Variants in GPR161 observed in about 807,000 individuals in gnomAD.
GPR161 encodes G-protein coupled receptor RE2.
In GPR161, 25 loss-of-function variants were observed where a neutral mutation model predicts 39.2. That is an observed-to-expected ratio of 0.64 (90% confidence interval 0.47 to 0.89). The LOEUF (loss-of-function observed/expected upper bound fraction) is 0.89, where lower values mean the gene tolerates loss of function less well. GPR161 is among the 40% of genes least tolerant of loss of function. The pLI is 0.00. For synonymous variants in GPR161, 286 were observed against 276.6 expected, an observed-to-expected ratio of 1.03 and a Z score of -0.34; for missense variants, 547 against 677.8, an observed-to-expected ratio of 0.81 and a Z score of 2.14.
At chr1:168,120,058 C>T (rs1283158058) in intron 1 of GPR161, among the ~76,000 whole-genome samples, 4 of 152,188 alleles carry the variant, frequency 2.6e-5, no homozygotes, top group Non-Finnish European at 5.9e-5. Flanking sequence ...TGAAGAGGAC[C>T]ACCATCCTCC....
intron 2 of GPR161, among the ~76,000 whole-genome samples, chr1:168,102,767 T>A (rs1357412889): frequency 6.6e-6 from 1 of 150,866 alleles, no homozygotes; most frequent in Non-Finnish European, 1.5e-5. Context: ...TCTCTGCAAC[T>A]AAGCTGTTTA....
At chr1:168,101,815 CTTT>C (rs927230292) in intron 2 of GPR161, among the ~76,000 whole-genome samples, 1 of 151,876 alleles carries the variant, frequency 6.6e-6, no homozygotes, top group Admixed American at 6.6e-5. Flanking sequence ...CTTTTCTTTT[CTTT>C]TTTTTCAGAT....
At chr1:168,111,888 C>T (rs1022884510) in intron 1 of GPR161, among the ~76,000 whole-genome samples, 1 of 149,788 alleles carries the variant, frequency 6.7e-6, no homozygotes, top group African/African-American at 2.5e-5. Flanking sequence ...AAAATGAAAA[C>T]ACCAACATAC....
intron 1 of GPR161, among the ~76,000 whole-genome samples, chr1:168,117,126 C>T (rs1440223259): frequency 6.6e-6 from 1 of 152,152 alleles, no homozygotes; most frequent in Non-Finnish European, 1.5e-5. Flanking sequence ...AGGGCATCAG[C>T]AGCAAGTCTA....
intron 1 of GPR161, among the ~76,000 whole-genome samples, chr1:168,110,470 G>C (rs910463631): frequency 6.5e-5 from 9 of 137,956 alleles, no homozygotes; most frequent in African/African-American, 2.5e-4. Flanking sequence ...CTGCACTCCA[G>C]CCTAGACGAC....
At chr1:168,095,548 G>A (rs138778363) in intron 3 of GPR161, among the ~76,000 whole-genome samples, 66 of 152,298 alleles carry the variant, frequency 4.3e-4, no homozygotes, top group East Asian at 9.6e-4. Flanking sequence ...GATTGTGTCC[G>A]GAAACCTGTG....
At chr1:168,093,911 T>A (rs1695289336) in intron 3 of GPR161, among the ~76,000 whole-genome samples, 1 of 152,188 alleles carries the variant, frequency 6.6e-6, no homozygotes, top group African/African-American at 2.4e-5. Context: ...GATCAGGACC[T>A]TCAGGGAAGA....
At chr1:168,096,145 AAAAAAAAAAAAAAAAG>A (rs1196709844) in intron 3 of GPR161, among the ~76,000 whole-genome samples, 5 of 150,348 alleles carry the variant, frequency 3.3e-5, no homozygotes, top group Non-Finnish European at 7.4e-5. Context: ...AAAAAAAAAA[AAAAAAAAAAAAAAAAG>A]AGAGAGAGAA....
rs563107960 is a variant in GPR161 at position 168,098,115 on chromosome 1, C to A, written c.375-883G>T. Among the ~76,000 whole-genome samples the A allele has an allele frequency of 2.0e-5, 3 of 152,280 alleles. No individual in the cohort carries two copies. The highest frequency in any genetic ancestry group is 2.9e-5 in the Non-Finnish European group (2 of 68,026). ...CTCCTGTTGGAGGTGATGCTCCAGACCCAGGTCTCACAGCGTTGGAGGCAC... is the reference window on the plus strand; with the variant it reads ...CTCCTGTTGGAGGTGATGCTCCAGAACCAGGTCTCACAGCGTTGGAGGCAC... On this transcript the variant is annotated intron_variant, in intron 2 of 5. Coordinates refer to ENST00000682931, the MANE Select transcript of GPR161 (RefSeq NM_001375883.1). The surrounding 1 kb of genome is among the most constrained non-coding windows in gnomAD (Gnocchi z 4.1).
chr1:168,136,713 G>A, intron 1 of GPR161, 26 bp downstream of exon 1: 5 of 1,041,478 alleles, frequency 4.8e-6, no homozygotes, highest in African/African-American at 1.7e-5. Context: ...CCGGGCCCGC[G>A]CCCGCGCCCC....
chr1:168,099,235 C>T (rs1376593568), intron 2 of GPR161, among the ~76,000 whole-genome samples: 7 of 152,182 alleles, frequency 4.6e-5, no homozygotes, highest in Admixed American at 2.6e-4. Context: ...TGCTGAGACT[C>T]GGACCTGTCT....
chr1:168,137,242 C>T, upstream of GPR161: 1 of 1,482,936 alleles, frequency 6.7e-7, no homozygotes, highest in Non-Finnish European at 8.9e-7. Context: ...CGTTCCTCCG[C>T]CCCAGTTCCA....
intron 1 of GPR161, among the ~76,000 whole-genome samples, chr1:168,108,514 T>C (rs1414513309): frequency 6.3e-5 from 1 of 15,936 alleles, no homozygotes; most frequent in Non-Finnish European, 1.2e-4. Flanking sequence ...AAAAAAAAAC[T>C]GGAAATAAGT....
At position 168,098,727 on chromosome 1, in the gene GPR161, T is replaced by G. The variant is rs1047311591; in HGVS notation, c.375-1495A>C. On this transcript the variant is annotated intron_variant, in intron 2 of 5. Transcript: ENST00000682931. This position sits in a 1 kb window ranked among gnomAD's most constrained non-coding sequence, Gnocchi z 4.1. ...CCTGGAAAGAGAGCATTTCCGGCTA[T>G]GCGGCCTGAGGAGAAGATTGCGCAG... 1.3e-5 allele frequency among the ~76,000 whole-genome samples: 2 copies of G among 152,210 alleles called. No homozygotes were observed. The highest frequency in any genetic ancestry group is 4.8e-5 in the African/African-American group (2 of 41,462).
chr1:168,080,309 A>T lies in GPR161; in HGVS notation c.*5222T>A, dbSNP rs1445397421. ...AACTATACCTCATCTTCCTTGACCT[A>T]TAAGACTAGCTCCTTGCTTTTCTCA... On this transcript the variant is annotated 3_prime_UTR_variant, in exon 6 of 6. Transcript: ENST00000682931. 1 of 152,218 alleles carries T rather than the reference A, an allele frequency of 6.6e-6. No individual in the cohort carries two copies. Among genetic ancestry groups the T allele is most frequent in the African/African-American group, 2.4e-5 (1 of 41,438 alleles). 9.4% of individuals were successfully genotyped at this position (152,218 alleles called of 1,614,324 possible).
chr1:168,115,532 G>A (rs192539432), intron 1 of GPR161, among the ~76,000 whole-genome samples: 1 of 152,000 alleles, frequency 6.6e-6, no homozygotes, highest in East Asian at 1.9e-4. Context: ...TGCCCCTTTA[G>A]GATCAGAAGA....
Position 168,083,092 on chromosome 1 carries a change from A to C in GPR161, c.*2439T>G, listed in dbSNP as rs1325486326. The C allele has an allele frequency of 6.6e-6, 1 of 152,138 alleles. No individual in the cohort carries two copies. The highest frequency in any genetic ancestry group is 2.4e-5 in the African/African-American group (1 of 41,418). 9.4% of individuals were successfully genotyped at this position (152,138 alleles called of 1,614,324 possible). A position where few individuals can be genotyped will look rare whatever the true frequency, so the allele number is the denominator to read the frequency against. ...CACTTCTTTCTATAACCACGACTTG[A>C]CTTTGCTAGTTATTAGAATCGGTAT... On this transcript the variant is annotated 3_prime_UTR_variant, in exon 6 of 6. Coordinates refer to ENST00000682931, the MANE Select transcript of GPR161 (RefSeq NM_001375883.1).
rs1450945840 is a variant in GPR161 at position 168,082,308 on chromosome 1, T to C, written c.*3223A>G. The C allele has an allele frequency of 6.6e-6, 1 of 152,256 alleles. No homozygotes were observed. Among genetic ancestry groups the C allele is most frequent in the African/African-American group, 2.4e-5 (1 of 41,460 alleles). The allele number at this position is 152,256 out of a possible 1,614,324, so 9.4% of individuals were successfully genotyped here. A position where few individuals can be genotyped will look rare whatever the true frequency, so the allele number is the denominator to read the frequency against. On this transcript the variant is annotated 3_prime_UTR_variant, in exon 6 of 6. Coordinates refer to ENST00000682931, the MANE Select transcript of GPR161 (RefSeq NM_001375883.1). ...CATGCATGTAAGCAGGCTAGCCAGG[T>C]GGTCCTTGGTCACCAAGGCCGTGGA...
chr1:168,104,432 G>A (rs748346400), intron 2 of GPR161, 45 bp downstream of exon 2: 29 of 1,507,388 alleles, frequency 1.9e-5, no homozygotes, highest in African/African-American at 6.8e-5. Flanking sequence ...CCAGATGAGC[G>A]CCCGTCAGTA....
Sources: allele counts gnomAD v4.1 joint callset (sites outside exome capture counted in the v4.1 genomes callset), GRCh38; gene constraint gnomAD v4.1.1; non-coding constraint Gnocchi (gnomAD v3.1); transcripts MANE v1.5; gene names NCBI Gene and HGNC (gene_info 2026-07-23, HGNC 2026-07-21).